OR10W1: variants seen among roughly 807,000 people sequenced by gnomAD.
OR10W1 encodes olfactory receptor 10W1.
For synonymous variants in OR10W1, 152 were observed against 151.6 expected (o/e 1.00, Z -0.02); for missense variants, 406 against 365.8 (o/e 1.11, Z -0.90).
Position 58,267,716 on chromosome 11 carries a change from G to A in OR10W1, c.143C>T (p.Thr48Ile), listed in dbSNP as rs778026315. The A allele has an allele frequency of 1.4e-5, 23 of 1,614,022 alleles. 1 individual carries two copies. The South Asian group carries it at 1.8e-4, about 12-fold the overall frequency. The change falls in exon 1 of 1, where the codon ACA becomes ATA. Residue 48 changes from threonine (T) to isoleucine (I), a missense_variant. Transcript: ENST00000395079. The part of the protein sequence containing the change: ...VSIHTETCLC[T>I]SMYYFLGSLS... ...GCTGCCCAGGAAATAGTACATGGAT[G>A]TGCATAGACAGGTTTCTGTGTGAAT... is the stretch of plus-strand genomic sequence containing the variant.
Position 58,267,213 on chromosome 11 carries a change from G to C in OR10W1, c.646C>G (p.Leu216Val), listed in dbSNP as rs1453956512. ...CCAGCAGCCGAGTGGATCTTGAGCA[G>C]AGCAGCCACTATGAAGGTGTAGGAG... Reference protein sequence around the residue: ...TTSYTFIVAALLKIHSAAGRH... With the variant: ...TTSYTFIVAAVLKIHSAAGRH... Residue 216 changes from leucine (L) to valine (V), a missense_variant, in exon 1 of 1, where the codon CTG (leucine) becomes GTG (valine). Transcript: ENST00000395079. 6.2e-7 allele frequency: 1 copy of C among 1,614,188 alleles called. No homozygotes were observed. Among genetic ancestry groups the C allele is most frequent in the South Asian group, 1.1e-5 (1 of 91,086 alleles).
rs776184298 is a variant in OR10W1 at position 58,267,647 on chromosome 11, T to C, written c.212A>G (p.His71Arg). Residue 71 changes from histidine to arginine, a missense_variant, in exon 1 of 1, where the codon CAT becomes CGT. Coordinates refer to ENST00000395079, the MANE Select transcript of OR10W1 (RefSeq NM_207374.3). ...EICYTAVVVP[H>R]ILANTLQSEK... ...TGACTGTAGGGTGTTGGCCAGGATA[T>C]GGGGCACCACCACTGCAGTGTAGCA... 3.7e-6 allele frequency: 6 copies of C among 1,613,940 alleles called. No individual in the cohort carries two copies. The Admixed American group carries it at 1.0e-4, about 27-fold the overall frequency.
rs1214895510 is a variant in OR10W1, at chr11:58,267,980, T to G, written c.-122A>C. ...GTTACACTCTGAGCCATGAATCTAA[T>G]GTAATCAGCACTGGAGTTAGAAACT... On this transcript the variant is annotated 5_prime_UTR_variant, in exon 1 of 1. Transcript: ENST00000395079. 10 of 715,196 alleles carry G rather than the reference T, an allele frequency of 1.4e-5. 1 individual carries two copies. The highest frequency in any genetic ancestry group is 1.3e-4 in the African/African-American group (7 of 55,970). 44.3% of individuals were successfully genotyped at this position (715,196 alleles called of 1,614,324 possible). A position where few individuals can be genotyped will look rare whatever the true frequency, so the allele number is the denominator to read the frequency against.
At position 58,266,833 on chromosome 11, in the gene OR10W1, A is replaced by T; in HGVS notation, c.*108T>A. 1.2e-6 allele frequency: 1 copy of T among 826,896 alleles called. No individual in the cohort carries two copies. 51.2% of individuals were successfully genotyped at this position (826,896 alleles called of 1,614,324 possible). ...CATAAACAGTATCCATATAATTTAT[A>T]CCATCTTTTAGATGAGTTTTAACAC... On this transcript the variant is annotated 3_prime_UTR_variant, in exon 1 of 1. Coordinates refer to ENST00000395079, the MANE Select transcript of OR10W1 (RefSeq NM_207374.3).
rs1351124661 is a variant in OR10W1 at position 58,267,525 on chromosome 11, C to T, written c.334G>A (p.Asp112Asn). The T allele has an allele frequency of 1.2e-6, 2 of 1,614,022 alleles. No individual in the cohort carries two copies. Among genetic ancestry groups the T allele is most frequent in the Non-Finnish European group, 8.5e-7 (1 of 1,180,036 alleles). Residue 112 changes from aspartate (D) to asparagine (N), a missense_variant, in exon 1 of 1, where the codon GAC becomes AAC. By Grantham distance (23) the Asp-to-Asn change is conservative. Coordinates refer to ENST00000395079, the MANE Select transcript of OR10W1 (RefSeq NM_207374.3). Reference protein sequence around the residue: ...DCFLLAAMAYDRYVAICHPLQ... With the variant: ...DCFLLAAMAYNRYVAICHPLQ... ...GGGTGGCAAATGGCCACATAGCGGT[C>T]ATAGGCCATGGCAGCCAAGAGGAAG...
Position 58,266,986 on chromosome 11 carries a change from G to A in OR10W1, c.873C>T (p.Ala291=), listed in dbSNP as rs146836599. The change falls in exon 1 of 1, where the codon GCC becomes GCT. Residue 291 remains alanine (A), a synonymous_variant. Coordinates refer to ENST00000395079, the MANE Select transcript of OR10W1 (RefSeq NM_207374.3). ...AGTTCCTGGTAAGAACTCTCCCTAC[G>A]GCCCCTTTCATCTCACTGTTCCTCA... is the stretch of plus-strand genomic sequence containing the variant. The part of the protein sequence containing the change: ...YALRNSEMKG[A]VGRVLTRNCL... The A allele has an allele frequency of 3.5e-5, 56 of 1,593,524 alleles. No individual in the cohort carries two copies. Among genetic ancestry groups the A allele is most frequent in the Admixed American group, 3.1e-4 (18 of 58,626 alleles).
rs1239076878 is a variant in OR10W1 at position 58,267,748 on chromosome 11, C to G, written c.111G>C (p.Val37=). The change falls in exon 1 of 1, where the codon GTG becomes GTC. Residue 37 remains valine, a synonymous_variant. Coordinates refer to ENST00000395079, the MANE Select transcript of OR10W1 (RefSeq NM_207374.3). ...GLIITGNILI[V]VSIHTETCLC... Reference sequence around the variant, plus strand: ...GACAGGTTTCTGTGTGAATGGACACCACAATGAGAATGTTCCCAGTGATGA... The same window carrying G: ...GACAGGTTTCTGTGTGAATGGACACGACAATGAGAATGTTCCCAGTGATGA... 6.2e-7 allele frequency: 1 copy of G among 1,613,910 alleles called. No homozygotes were observed. The highest frequency in any genetic ancestry group is 1.3e-5 in the African/African-American group (1 of 74,908).
At position 58,268,038 on chromosome 11, in the gene OR10W1, CCA is replaced by C; in HGVS notation, c.-182_-181del. ...TCAAGACTAGTTCTTTTTCTTTTCTCCACTTTTACCAAGTTTCTCCACATTAA... is the reference window on the plus strand; with the variant it reads ...TCAAGACTAGTTCTTTTTCTTTTCTCCTTTTACCAAGTTTCTCCACATTAA... On this transcript the variant is annotated 5_prime_UTR_variant, in exon 1 of 1. The change creates a premature stop within an existing upstream ORF in the 5' untranslated region. Coordinates refer to ENST00000395079, the MANE Select transcript of OR10W1 (RefSeq NM_207374.3). 3.3e-6 allele frequency: 2 copies of C among 599,644 alleles called. No homozygotes were observed. The highest frequency in any genetic ancestry group is 6.0e-6 in the Non-Finnish European group (2 of 331,438). The allele number at this position is 599,644 out of a possible 1,614,324, so 37.1% of individuals were successfully genotyped here.
chr11:58,266,916 C>A lies in OR10W1; in HGVS notation c.*25G>T. 6.6e-7 allele frequency: 1 copy of A among 1,508,866 alleles called. No individual in the cohort carries two copies. Among genetic ancestry groups the A allele is most frequent in the South Asian group, 1.3e-5 (1 of 74,508 alleles). The allele number at this position is 1,508,866 out of a possible 1,614,324, so 93.5% of individuals were successfully genotyped here. ...TGGTGGGCTGGAACCAAATACTTGC[C>A]TGATAGGCTGTCCCCTCGTCTTTCC... On this transcript the variant is annotated 3_prime_UTR_variant, in exon 1 of 1. Transcript: ENST00000395079.
rs1853567501 is a variant in OR10W1, at chr11:58,268,117, T to C, written c.-259A>G. On this transcript the variant is annotated 5_prime_UTR_variant, in exon 1 of 1. Transcript: ENST00000395079. ...AAGAGTTGGGCCAAACTATGTAAGA[T>C]ACTATTGAAGAAAAATGGCAGAGGA... 3 of 418,998 alleles carry C rather than the reference T, an allele frequency of 7.2e-6. No individual in the cohort carries two copies. The highest frequency in any genetic ancestry group is 3.8e-5 in the Admixed American group (1 of 26,258). The allele number at this position is 418,998 out of a possible 1,614,324, so 26.0% of individuals were successfully genotyped here.
Position 58,267,925 on chromosome 11 carries a change from G to C in OR10W1, c.-67C>G, listed in dbSNP as rs928694461. The C allele has an allele frequency of 8.7e-7, 1 of 1,151,428 alleles. No individual in the cohort carries two copies. Among genetic ancestry groups the C allele is most frequent in the Non-Finnish European group, 1.3e-6 (1 of 784,302 alleles). 71.3% of individuals were successfully genotyped at this position (1,151,428 alleles called of 1,614,324 possible). A position where few individuals can be genotyped will look rare whatever the true frequency, so the allele number is the denominator to read the frequency against. ...TTCTCTGTGGAGAGCTACAAGTACA[G>C]AAGGAAGAATCAGACTGAAGATAAA... On this transcript the variant is annotated 5_prime_UTR_variant, in exon 1 of 1. Transcript: ENST00000395079.
rs967681293 is a variant in OR10W1, at chr11:58,266,923, GCTGTCCCCTCGT to G, written c.*6_*17del. ...CTGGAACCAAATACTTGCCTGATAG[GCTGTCCCCTCGT>G]CTTTCCTAGCTGTTCTGGGAAAGGC... On this transcript the variant is annotated 3_prime_UTR_variant, in exon 1 of 1. Transcript: ENST00000395079. 6.6e-7 allele frequency: 1 copy of G among 1,515,296 alleles called. No homozygotes were observed. The highest frequency in any genetic ancestry group is 8.9e-7 in the Non-Finnish European group (1 of 1,128,980). 93.9% of individuals were successfully genotyped at this position (1,515,296 alleles called of 1,614,324 possible). A position where few individuals can be genotyped will look rare whatever the true frequency, so the allele number is the denominator to read the frequency against.
Position 58,267,613 on chromosome 11 carries a change from G to A in OR10W1, c.246C>T (p.Thr82=), listed in dbSNP as rs1481138418. The A allele has an allele frequency of 6.2e-7, 1 of 1,614,128 alleles. No homozygotes were observed. ...GGGTGGCACAGCCCAGGAGAGTGAT[G>A]GTCTTCTCTGACTGTAGGGTGTTGG... ...ILANTLQSEK[T]ITLLGCATQM... is the part of the protein sequence containing the mutation. Residue 82 remains threonine, a synonymous_variant, in exon 1 of 1, where the codon ACC becomes ACT. Coordinates refer to ENST00000395079, the MANE Select transcript of OR10W1 (RefSeq NM_207374.3).
chr11:58,267,632 G>T lies in OR10W1; in HGVS notation c.227C>A (p.Thr76Asn), dbSNP rs1225682470. ...AGTGATGGTCTTCTCTGACTGTAGG[G>T]TGTTGGCCAGGATATGGGGCACCAC... The part of the protein sequence containing the change: ...AVVVPHILAN[T>N]LQSEKTITLL... Residue 76 changes from threonine (T) to asparagine (N), a missense_variant, in exon 1 of 1, where the codon ACC becomes AAC. Transcript: ENST00000395079. The T allele has an allele frequency of 2.5e-6, 4 of 1,614,038 alleles. No individual in the cohort carries two copies. The highest frequency in any genetic ancestry group is 2.5e-6 in the Non-Finnish European group (3 of 1,180,038).
Position 58,267,833 on chromosome 11 carries a change from G to A in OR10W1, c.26C>T (p.Pro9Leu), listed in dbSNP as rs748041359. The A allele has an allele frequency of 5.0e-6, 8 of 1,613,628 alleles. No individual in the cohort carries two copies. In the South Asian group the frequency reaches 5.5e-5, roughly 11 times the overall value. The change falls in exon 1 of 1, where the codon CCC becomes CTC. Residue 9 changes from proline (P) to leucine (L), a missense_variant. Transcript: ENST00000395079. ...CAGAATATGCAGTTCTGGGCAGGAGGGATAGGCCAGGAACACAAATTCCAT... is the reference window on the plus strand; with the variant it reads ...CAGAATATGCAGTTCTGGGCAGGAGAGATAGGCCAGGAACACAAATTCCAT... MEFVFLAY[P>L]SCPELHILSF...
chr11:58,267,520 G>A lies in OR10W1; in HGVS notation c.339C>T (p.Arg113=), dbSNP rs144427153. The A allele has an allele frequency of 3.7e-6, 6 of 1,614,018 alleles. No individual in the cohort carries two copies. The African/African-American group carries it at 4.0e-5, about 11-fold the overall frequency. ...GCAACGGGTGGCAAATGGCCACATA[G>A]CGGTCATAGGCCATGGCAGCCAAGA... The part of the protein sequence containing the change: ...CFLLAAMAYD[R]YVAICHPLQY... Residue 113 remains arginine (R), a synonymous_variant, in exon 1 of 1, where the codon CGC becomes CGT. Coordinates refer to ENST00000395079, the MANE Select transcript of OR10W1 (RefSeq NM_207374.3).
rs905113200 is a variant in OR10W1, at chr11:58,267,672, A to G, written c.187T>C (p.Cys63Arg). ...TGGGGCACCACCACTGCAGTGTAGCATATTTCAATCCCAGAAAGGCTGCCC... is the reference window on the plus strand; with the variant it reads ...TGGGGCACCACCACTGCAGTGTAGCGTATTTCAATCCCAGAAAGGCTGCCC... ...FLGSLSGIEI[C>R]YTAVVVPHIL... The change falls in exon 1 of 1, where the codon TGC (cysteine) becomes CGC (arginine). Residue 63 changes from cysteine (C) to arginine (R), a missense_variant. By Grantham distance (180) the Cys-to-Arg change is radical. Coordinates refer to ENST00000395079, the MANE Select transcript of OR10W1 (RefSeq NM_207374.3). The G allele has an allele frequency of 8.1e-6, 13 of 1,614,072 alleles. No individual in the cohort carries two copies. The highest frequency in any genetic ancestry group is 8.5e-6 in the Non-Finnish European group (10 of 1,180,024).
Position 58,268,089 on chromosome 11 carries a change from G to T in OR10W1, c.-231C>A, listed in dbSNP as rs1162744105. On this transcript the variant is annotated 5_prime_UTR_variant, in exon 1 of 1. Coordinates refer to ENST00000395079, the MANE Select transcript of OR10W1 (RefSeq NM_207374.3). ...AATATCTACACCTCAATTTCTACCT[G>T]CCAAGAGTTGGGCCAAACTATGTAA... is the stretch of plus-strand genomic sequence containing the variant. 1.9e-6 allele frequency: 1 copy of T among 516,010 alleles called. No individual in the cohort carries two copies. Among genetic ancestry groups the T allele is most frequent in the Non-Finnish European group, 3.6e-6 (1 of 280,486 alleles). 32.0% of individuals were successfully genotyped at this position (516,010 alleles called of 1,614,324 possible).
Position 58,266,981 on chromosome 11 carries a change from C to T in OR10W1, c.878G>A (p.Gly293Glu), listed in dbSNP as rs915513623. 5 of 1,584,448 alleles carry T rather than the reference C, an allele frequency of 3.2e-6. No homozygotes were observed. The highest frequency in any genetic ancestry group is 3.4e-6 in the Non-Finnish European group (4 of 1,162,510). The change falls in exon 1 of 1, where the codon GGG (glycine) becomes GAG (glutamate). Residue 293 changes from glycine to glutamate, a missense_variant. By Grantham distance (98) the Gly-to-Glu change is moderately conservative (BLOSUM62 -2). Coordinates refer to ENST00000395079, the MANE Select transcript of OR10W1 (RefSeq NM_207374.3). ...AAGGCAGTTCCTGGTAAGAACTCTCCCTACGGCCCCTTTCATCTCACTGTT... is the reference window on the plus strand; with the variant it reads ...AAGGCAGTTCCTGGTAAGAACTCTCTCTACGGCCCCTTTCATCTCACTGTT... Reference protein sequence around the residue: ...LRNSEMKGAVGRVLTRNCLSQ... With the variant: ...LRNSEMKGAVERVLTRNCLSQ...
Sources: gnomAD v4.1 joint callset for allele counts on GRCh38, gnomAD v4.1.1 for gene constraint, MANE v1.5 for transcripts, NCBI Gene and HGNC (gene_info 2026-07-23, HGNC 2026-07-21) for gene names.